Variants in SPIDR observed in about 807,000 individuals in gnomAD.
SPIDR encodes DNA repair-scaffolding protein.
In SPIDR, 93 loss-of-function variants were observed where a neutral mutation model predicts 104.6. That is an observed-to-expected ratio of 0.89 (90% confidence interval 0.75 to 1.06). The LOEUF (loss-of-function observed/expected upper bound fraction) is 1.06. SPIDR is among the 50% of genes least tolerant of loss of function. SPIDR has a pLI of 0.00. For synonymous variants in SPIDR, 431 were observed against 416.9 expected (o/e 1.03, Z -0.41); for missense variants, 1,154 against 1,111.2 (o/e 1.04, Z -0.55).
At chr8:47,591,858 A>G (rs1191824849) in intron 8 of SPIDR, among the ~76,000 whole-genome samples, 1 of 151,676 alleles carries the variant, frequency 6.6e-6, no homozygotes, top group East Asian at 1.9e-4. Context: ...AGTGCTTTAT[A>G]CTTAAACCAG....
intron 5 of SPIDR, among the ~76,000 whole-genome samples, chr8:47,340,623 CA>C (rs1221844397): frequency 1.3e-5 from 2 of 152,050 alleles, no homozygotes; most frequent in Non-Finnish European, 2.9e-5. Context: ...CAACAACAAC[CA>C]AAAAAACCCC....
At chr8:47,506,649 C>A (rs919017639) in intron 8 of SPIDR, among the ~76,000 whole-genome samples, 2 of 151,898 alleles carry the variant, frequency 1.3e-5, no homozygotes, top group African/African-American at 4.8e-5. Flanking sequence ...CTCATTTCTA[C>A]AAGTGGTTAC....
intron 10 of SPIDR, among the ~76,000 whole-genome samples, chr8:47,655,267 G>A (rs7843066): frequency 0.11 from 17,418 of 152,144 alleles, 1,516 homozygotes; most frequent in African/African-American, 0.21. Context: ...GGGTCAAATG[G>A]TATCTCTAGT....
In SPIDR at chr8:47,604,787, A is replaced by T. The variant is rs561544027; in HGVS notation, c.1544+5591A>T. Among the ~76,000 whole-genome samples, 9 of 152,330 alleles carry T rather than the reference A, an allele frequency of 5.9e-5. No homozygotes were observed. In the East Asian group the frequency reaches 1.7e-3, roughly 29 times the overall value. On this transcript the variant is annotated intron_variant, in intron 10 of 19. Coordinates refer to ENST00000297423, the MANE Select transcript of SPIDR (RefSeq NM_001080394.4). ...AAGCTTGAGAATGCAGTCTAGGCCT[A>T]CTAAGTTTGAGATTCCTATGAGACA...
chr8:47,277,946 T>C (rs2036890578), intron 1 of SPIDR, among the ~76,000 whole-genome samples: 1 of 152,160 alleles, frequency 6.6e-6, no homozygotes, highest in Non-Finnish European at 1.5e-5. Context: ...GTGCTGGGAT[T>C]ACAGGCATGA....
chr8:47,712,912 G>A lies in SPIDR; in HGVS notation c.2188+40G>A, dbSNP rs775665507. On this transcript the variant is annotated intron_variant, in intron 15 of 19. Coordinates refer to ENST00000297423, the MANE Select transcript of SPIDR (RefSeq NM_001080394.4). ...CCACAGCTTTGATGCAGGGGCGACTGATCCGTGCCCATAGAATACCTCTTG... is the reference window on the plus strand; with the variant it reads ...CCACAGCTTTGATGCAGGGGCGACTAATCCGTGCCCATAGAATACCTCTTG... The A allele has an allele frequency of 6.6e-5, 107 of 1,610,984 alleles. No homozygotes were observed. The Admixed American group carries it at 1.8e-3, about 26-fold the overall frequency.
intron 8 of SPIDR, among the ~76,000 whole-genome samples, chr8:47,539,747 TAAAAA>T (rs527539176): frequency 2.6e-4 from 36 of 139,558 alleles, no homozygotes; most frequent in African/African-American, 8.9e-4. Flanking sequence ...CTTTTCTTCT[TAAAAA>T]AAAAAAAAAC....
intron 8 of SPIDR, among the ~76,000 whole-genome samples, chr8:47,455,017 A>C (rs2072677154): frequency 6.6e-6 from 1 of 152,222 alleles, no homozygotes; most frequent in Admixed American, 6.5e-5. Flanking sequence ...AAGAAATACT[A>C]AACAGCAATT....
At chr8:47,541,184 C>T (rs1431760837) in intron 8 of SPIDR, among the ~76,000 whole-genome samples, 1 of 152,204 alleles carries the variant, frequency 6.6e-6, no homozygotes, top group Non-Finnish European at 1.5e-5. Context: ...AAAGAACATA[C>T]TACCAACCTG....
At chr8:47,417,028 T>C (rs371025766) in intron 7 of SPIDR, among the ~76,000 whole-genome samples, 1 of 152,174 alleles carries the variant, frequency 6.6e-6, no homozygotes, top group Non-Finnish European at 1.5e-5. Flanking sequence ...GTCTATGATT[T>C]TTGGACATTT....
At chr8:47,477,977 G>T (rs1218598930) in intron 8 of SPIDR, among the ~76,000 whole-genome samples, 3 of 152,182 alleles carry the variant, frequency 2.0e-5, no homozygotes, top group Admixed American at 2.0e-4. Flanking sequence ...GCAGCAAGGG[G>T]CAGGGTAACT....
chr8:47,562,363 A>T (rs533733993), intron 8 of SPIDR, among the ~76,000 whole-genome samples: 66 of 152,174 alleles, frequency 4.3e-4, no homozygotes, highest in Non-Finnish European at 8.8e-4. Context: ...GGCTGAGGAC[A>T]TCAGAGTCCT....
chr8:47,565,988 ATATATTTTTTT>A (rs2057761100), intron 8 of SPIDR, among the ~76,000 whole-genome samples: 1 of 35,432 alleles, frequency 2.8e-5, no homozygotes, highest in African/African-American at 7.3e-5. Context: ...ATATATATAT[ATATATTTTTTT>A]TTTTTTTTTT....
intron 14 of SPIDR, among the ~76,000 whole-genome samples, chr8:47,711,330 T>G (rs2081857780): frequency 6.6e-6 from 1 of 152,142 alleles, no homozygotes; most frequent in Admixed American, 6.5e-5. Context: ...TTTTTGGTTT[T>G]GGGGTTTTTT....
chr8:47,449,337 G>C (rs1419806446), intron 8 of SPIDR, among the ~76,000 whole-genome samples: 1 of 152,150 alleles, frequency 6.6e-6, no homozygotes, highest in Non-Finnish European at 1.5e-5. Context: ...GCAGTAATTA[G>C]AGCCTAGAGT....
At chr8:47,545,119 CTTTTT>C (rs1201682766) in intron 8 of SPIDR, among the ~76,000 whole-genome samples, 18 of 23,942 alleles carry the variant, frequency 7.5e-4, no homozygotes, top group Non-Finnish European at 1.3e-3. Context: ...TTCTTTCTTT[CTTTTT>C]TTTTTTTTTT....
rs1271418187 is a variant in SPIDR at position 47,325,660 on chromosome 8, A to G, written c.525+31630A>G. 3.3e-5 allele frequency among the ~76,000 whole-genome samples: 5 copies of G among 152,154 alleles called. No homozygotes were observed. The East Asian group carries it at 5.8e-4, about 18-fold the overall frequency. ...GAGACATCTTATGGTGCTCCAGACA[A>G]TCTATCCCTTTTTCTGTCCCTGGCA... is the stretch of plus-strand genomic sequence containing the variant. On this transcript the variant is annotated intron_variant, in intron 5 of 19. Transcript: ENST00000297423.
chr8:47,649,270 T>G (rs1362884158), intron 10 of SPIDR, among the ~76,000 whole-genome samples: 1 of 147,654 alleles, frequency 6.8e-6, no homozygotes, highest in Admixed American at 6.7e-5. Context: ...GTGGGAAGAA[T>G]GCAAAAAAAA....
chr8:47,486,717 T>C, intron 8 of SPIDR, among the ~76,000 whole-genome samples: 1 of 152,166 alleles, frequency 6.6e-6, no homozygotes, highest in Non-Finnish European at 1.5e-5. Context: ...AAGAAAAGAA[T>C]TTTCAACCCA....
Sources: gnomAD v4.1 joint callset for allele counts (sites outside exome capture counted in the v4.1 genomes callset) on GRCh38, gnomAD v4.1.1 for gene constraint, MANE v1.5 for transcripts, NCBI Gene and HGNC (gene_info 2026-07-23, HGNC 2026-07-21) for gene names.